The following NRG1 variants were observed in gnomAD, a reference collection of about 807,000 sequenced individuals.
NRG1 encodes neuregulin 1.
A neutral mutation model predicts 63.8 loss-of-function variants in NRG1; 18 were observed. That is an observed-to-expected ratio of 0.28 (90% CI 0.19 to 0.42). The LOEUF is 0.42. Among genes scored for constraint, NRG1 ranks in the 10% least tolerant of loss-of-function variants. The probability of loss-of-function intolerance (pLI) is 1.00; values close to 1 mark genes in which losing one functional copy is unlikely to be tolerated. For synonymous variants in NRG1, 302 were observed against 301.3 expected (o/e 1.00, Z -0.02); for missense variants, 762 against 814.7 (o/e 0.94, Z 0.79).
chr8:32,500,280 C>T (rs1827708923), intron 1 of NRG1, among the ~76,000 whole-genome samples: 1 of 152,172 alleles, frequency 6.6e-6, no homozygotes, highest in Admixed American at 6.5e-5. Context: ...AAGAACTAGC[C>T]ATTAGACTTT....
intron 5 of NRG1, among the ~76,000 whole-genome samples, chr8:32,699,724 A>G (rs577419077): frequency 1.3e-5 from 2 of 152,278 alleles, no homozygotes; most frequent in South Asian, 2.1e-4. Flanking sequence ...GTCTTGAGCC[A>G]TCTTTTCTCT....
At chr8:31,854,240 C>T (rs1257336357) in intron 1 of NRG1, among the ~76,000 whole-genome samples, 1 of 151,780 alleles carries the variant, frequency 6.6e-6, no homozygotes, top group African/African-American at 2.4e-5. Flanking sequence ...TCCATCTGGT[C>T]CTGGACTCTT....
chr8:31,934,413 T>TCA (rs1191381089), intron 1 of NRG1, among the ~76,000 whole-genome samples: 1 of 89,238 alleles, frequency 1.1e-5, no homozygotes, highest in South Asian at 4.1e-4. Flanking sequence ...ACCCCTTTAT[T>TCA]CGCTCTCTTT....
At chr8:31,903,873 T>G (rs573440161) in intron 1 of NRG1, among the ~76,000 whole-genome samples, 1 of 152,204 alleles carries the variant, frequency 6.6e-6, no homozygotes, top group East Asian at 1.9e-4. Flanking sequence ...GAGGATCATT[T>G]GAACCCTGCA....
intron 1 of NRG1, among the ~76,000 whole-genome samples, chr8:32,213,027 TA>T (rs897499439): frequency 6.6e-6 from 1 of 152,190 alleles, no homozygotes; most frequent in African/African-American, 2.4e-5. Flanking sequence ...TACCTTGAGG[TA>T]AAGCAAAGTC....
chr8:32,058,338 G>T (rs111595017), intron 1 of NRG1, among the ~76,000 whole-genome samples: 3,207 of 151,998 alleles, frequency 0.021, 83 homozygotes, highest in African/African-American at 0.06. Context: ...AATAAATAAG[G>T]ATCTGACTTT....
At chr8:31,945,024 A>C (rs916391153) in intron 1 of NRG1, among the ~76,000 whole-genome samples, 2 of 152,204 alleles carry the variant, frequency 1.3e-5, no homozygotes, top group African/African-American at 4.8e-5. Flanking sequence ...ATAATTTTCC[A>C]GGAATGATTT....
intron 1 of NRG1, among the ~76,000 whole-genome samples, chr8:32,251,925 T>A (rs1204188134): frequency 6.6e-6 from 1 of 152,168 alleles, no homozygotes; most frequent in East Asian, 1.9e-4. Context: ...TGACCAGTGA[T>A]GATGAGTTGC....
chr8:31,898,444 G>A (rs932046023), intron 1 of NRG1, among the ~76,000 whole-genome samples: 2 of 152,132 alleles, frequency 1.3e-5, no homozygotes, highest in Non-Finnish European at 2.9e-5. Flanking sequence ...AAAAGACTAA[G>A]TATTTTGTAA....
rs139735624 is a variant in NRG1, at chr8:32,130,610, C to T, written c.38-465218C>T. 1.4e-3 allele frequency among the ~76,000 whole-genome samples: 206 copies of T among 151,810 alleles called. 1 individual carries two copies. The highest frequency in any genetic ancestry group is 3.6e-3 in the Admixed American group (55 of 15,206). ...ATAAATTATCTTTCAGATTGGTGGG[C>T]GTAGGAATCTATACTGCGAGCTAAC... On this transcript the variant is annotated intron_variant, in intron 1 of 10. Transcript: ENST00000519301.
chr8:31,648,575 C>T (rs1251271236), intron 1 of NRG1, among the ~76,000 whole-genome samples: 3 of 152,288 alleles, frequency 2.0e-5, no homozygotes, highest in East Asian at 3.9e-4. Flanking sequence ...TTTTCTCCTC[C>T]CCCAGCCACT....
intron 5 of NRG1, among the ~76,000 whole-genome samples, chr8:32,724,521 G>A (rs1475452092): frequency 6.6e-6 from 1 of 152,068 alleles, no homozygotes; most frequent in Non-Finnish European, 1.5e-5. Context: ...GAGTGTGTAC[G>A]GCACAGAGAA....
chr8:32,489,553 G>A (rs1826301609), intron 1 of NRG1, among the ~76,000 whole-genome samples: 1 of 152,124 alleles, frequency 6.6e-6, no homozygotes, highest in Non-Finnish European at 1.5e-5. Context: ...TACTGTAGCA[G>A]GACCACAGGC....
chr8:32,481,033 T>G (rs1319552451), intron 1 of NRG1, among the ~76,000 whole-genome samples: 5 of 152,116 alleles, frequency 3.3e-5, no homozygotes, highest in Non-Finnish European at 7.3e-5. Flanking sequence ...GTTTGTCAAT[T>G]AAAGAAAGAA....
At chr8:32,770,470 A>G (rs996665837), downstream of NRG1, among the ~76,000 whole-genome samples, 2 of 151,978 alleles carry the variant, frequency 1.3e-5, no homozygotes, top group Non-Finnish European at 2.9e-5. Context: ...CAGGTTTTTT[A>G]TTTTCAACCT....
intron 1 of NRG1, among the ~76,000 whole-genome samples, chr8:31,858,999 T>C (rs1030339928): frequency 1.3e-5 from 2 of 152,182 alleles, no homozygotes; most frequent in Non-Finnish European, 2.9e-5. Flanking sequence ...TCCTGAAGTA[T>C]AGATTTTTAT....
At chr8:32,330,689 C>G (rs574128854) in intron 1 of NRG1, among the ~76,000 whole-genome samples, 14 of 152,226 alleles carry the variant, frequency 9.2e-5, no homozygotes, top group Non-Finnish European at 2.1e-4. Flanking sequence ...AGGGTAGTTC[C>G]TAGGAAGCTA....
intron 1 of NRG1, among the ~76,000 whole-genome samples, chr8:32,312,218 C>T (rs1031820392): frequency 7.8e-6 from 1 of 128,842 alleles, no homozygotes. Flanking sequence ...GACTGGAGTG[C>T]AATGGCATGA....
chr8:31,859,527 T>C (rs1427872142), intron 1 of NRG1, among the ~76,000 whole-genome samples: 1 of 152,230 alleles, frequency 6.6e-6, no homozygotes, highest in Admixed American at 6.5e-5. Context: ...GCTGAAGTGC[T>C]ATAATGATGC....
Sources: gnomAD v4.1 joint callset for allele counts (sites outside exome capture counted in the v4.1 genomes callset) on GRCh38, gnomAD v4.1.1 for gene constraint, MANE v1.5 for transcripts, NCBI Gene and HGNC (gene_info 2026-07-23, HGNC 2026-07-21) for gene names.